Variants in RAPGEF1 observed in about 807,000 individuals in gnomAD.
RAPGEF1 encodes Rap guanine nucleotide exchange factor 1.
A neutral mutation model predicts 143.3 loss-of-function variants in RAPGEF1; 33 were observed. The ratio of observed to expected loss-of-function variants is 0.23; its 90% CI spans 0.17 to 0.31. The LOEUF is 0.31. Ranked by LOEUF, RAPGEF1 falls within the 10% of genes least tolerant of loss-of-function variation. The pLI is 1.00. For synonymous variants in RAPGEF1, 629 were observed against 676.5 expected (o/e 0.93, Z 1.09); for missense variants, 1,199 against 1,645.4 (o/e 0.73, Z 4.69).
chr9:131,588,779 G>T, intron 20 of RAPGEF1, 22 bp downstream of exon 20: 1 of 1,600,142 alleles, frequency 6.2e-7, no homozygotes, highest in Non-Finnish European at 8.5e-7. Flanking sequence ...AAGAGGCAGG[G>T]CTGGAGAGGT....
At position 131,688,349 on chromosome 9, in the gene RAPGEF1, G is replaced by A. The variant is rs146929907; in HGVS notation, c.62-37400C>T. The stretch of plus-strand genomic sequence containing the variant: ...TTGAATAAAAGAACCACAATTCACT[G>A]TTTATACATAAACCAAATAAACAGC... On this transcript the variant is annotated intron_variant, in intron 1 of 26. Coordinates refer to ENST00000683357, the MANE Select transcript of RAPGEF1 (RefSeq NM_001377935.1). Among the ~76,000 whole-genome samples, 285 of 152,300 alleles carry A rather than the reference G, an allele frequency of 1.9e-3. 1 individual carries two copies. The highest frequency in any genetic ancestry group is 6.2e-3 in the African/African-American group (256 of 41,572).
chr9:131,658,272 C>A (rs929745739), intron 1 of RAPGEF1, among the ~76,000 whole-genome samples: 1 of 152,196 alleles, frequency 6.6e-6, no homozygotes, highest in African/African-American at 2.4e-5. Context: ...GCTCCATATT[C>A]CTCCCGGCAC....
At chr9:131,703,423 G>A (rs1364268539) in intron 1 of RAPGEF1, among the ~76,000 whole-genome samples, 1 of 152,116 alleles carries the variant, frequency 6.6e-6, no homozygotes, top group African/African-American at 2.4e-5. Context: ...TAACTTCTCT[G>A]TATGTGGCCT....
chr9:131,647,889 C>T (rs1970065072), intron 3 of RAPGEF1, among the ~76,000 whole-genome samples: 1 of 152,170 alleles, frequency 6.6e-6, no homozygotes, highest in Non-Finnish European at 1.5e-5. Flanking sequence ...GTGTGGGGGG[C>T]TGTCCTGTGT....
At chr9:131,651,870 G>A (rs1971162007) in intron 1 of RAPGEF1, among the ~76,000 whole-genome samples, 1 of 152,206 alleles carries the variant, frequency 6.6e-6, no homozygotes. Flanking sequence ...AGGCTATATG[G>A]AATAGCTCAT....
chr9:131,594,619 G>C (rs1954925987), intron 17 of RAPGEF1, among the ~76,000 whole-genome samples: 1 of 152,234 alleles, frequency 6.6e-6, no homozygotes, highest in Non-Finnish European at 1.5e-5. Context: ...ACCTGCCACA[G>C]GGTGCTTCAC....
chr9:131,600,668 G>C (rs1047897637), intron 15 of RAPGEF1, among the ~76,000 whole-genome samples: 5 of 152,184 alleles, frequency 3.3e-5, no homozygotes, highest in African/African-American at 1.2e-4. Flanking sequence ...AAAGACCCCA[G>C]AGGTGGCTAA....
chr9:131,737,304 T>C (rs1339942037), intron 1 of RAPGEF1: 8 of 1,577,406 alleles, frequency 5.1e-6, no homozygotes, highest in Non-Finnish European at 7.0e-6. Flanking sequence ...TCTCCCTGTC[T>C]CCACCAGGTA....
At chr9:131,645,412 G>C (rs1384935100) in intron 3 of RAPGEF1, among the ~76,000 whole-genome samples, 1 of 152,236 alleles carries the variant, frequency 6.6e-6, no homozygotes, top group Non-Finnish European at 1.5e-5. Flanking sequence ...GGAGGCACTC[G>C]AAAGTGGCAA....
chr9:131,613,691 T>A (rs997293616), intron 12 of RAPGEF1, among the ~76,000 whole-genome samples: 1 of 152,114 alleles, frequency 6.6e-6, no homozygotes, highest in Non-Finnish European at 1.5e-5. Context: ...GGGACTAATT[T>A]CTGACCTCAG....
chr9:131,710,073 G>T, intron 1 of RAPGEF1: 9 of 466,014 alleles, frequency 1.9e-5, no homozygotes, highest in Non-Finnish European at 2.2e-5. Context: ...AGGAGAAATG[G>T]GGAATCAGGT....
intron 1 of RAPGEF1, among the ~76,000 whole-genome samples, chr9:131,693,325 G>A (rs1291192508): frequency 6.6e-6 from 1 of 152,112 alleles, no homozygotes; most frequent in Admixed American, 6.5e-5. Context: ...TTTATAGGAG[G>A]TCATTGGTTT....
rs976822427 is a variant in RAPGEF1, at chr9:131,731,123, G to T, written c.61+8647C>A. ...TATGTGCAAATGTTAACTCTTTCAG[G>T]TCTCAAAGAAAAGCTCTGTGTCTTA... On this transcript the variant is annotated intron_variant, in intron 1 of 26. Coordinates refer to ENST00000683357, the MANE Select transcript of RAPGEF1 (RefSeq NM_001377935.1). Among the ~76,000 whole-genome samples the T allele has an allele frequency of 2.0e-5, 3 of 152,140 alleles. 1 individual carries two copies. The South Asian group carries it at 6.2e-4, about 31-fold the overall frequency.
intron 26 of RAPGEF1, 79 bp downstream of exon 26, chr9:131,580,184 T>C: frequency 6.4e-7 from 1 of 1,558,406 alleles, no homozygotes. Context: ...CCCCCTCCCC[T>C]CGGTGTCCCG....
chr9:131,632,423 G>A (rs946768896), intron 5 of RAPGEF1, among the ~76,000 whole-genome samples: 10 of 151,438 alleles, frequency 6.6e-5, no homozygotes, highest in Non-Finnish European at 1.3e-4. Flanking sequence ...CACCGCGCCC[G>A]GCCAAGACTC....
At chr9:131,589,291 G>A (rs967911322) in intron 19 of RAPGEF1, among the ~76,000 whole-genome samples, 3 of 152,232 alleles carry the variant, frequency 2.0e-5, no homozygotes, top group Non-Finnish European at 4.4e-5. Flanking sequence ...GCCCTGGGGA[G>A]CTGCTGCTCC....
At chr9:131,666,275 T>C (rs1453455254) in intron 1 of RAPGEF1, among the ~76,000 whole-genome samples, 1 of 152,234 alleles carries the variant, frequency 6.6e-6, no homozygotes, top group Non-Finnish European at 1.5e-5. Flanking sequence ...CTCCAGGGAA[T>C]AGACAAGAAA....
intron 17 of RAPGEF1, among the ~76,000 whole-genome samples, chr9:131,592,438 C>T (rs1954476121): frequency 6.6e-6 from 1 of 152,198 alleles, no homozygotes; most frequent in Non-Finnish European, 1.5e-5. Flanking sequence ...AGGGTTTTAT[C>T]TCATGGGCAC....
At chr9:131,640,231 G>A (rs769163916) in intron 4 of RAPGEF1, among the ~76,000 whole-genome samples, 5 of 152,220 alleles carry the variant, frequency 3.3e-5, no homozygotes, top group African/African-American at 1.2e-4. Context: ...GCTGGACCTC[G>A]CTCTGCTTCC....
Sources: gnomAD v4.1 joint callset for allele counts (sites outside exome capture counted in the v4.1 genomes callset) on GRCh38, gnomAD v4.1.1 for gene constraint, MANE v1.5 for transcripts, NCBI Gene and HGNC (gene_info 2026-07-23, HGNC 2026-07-21) for gene names.